VCPIP1: variants seen among roughly 807,000 people sequenced by gnomAD.
VCPIP1 encodes valosin containing protein interacting protein 1.
A neutral mutation model predicts 85.0 loss-of-function variants in VCPIP1; 8 were observed. The ratio of observed to expected loss-of-function variants is 0.09; its 90% CI spans 0.06 to 0.17. The LOEUF (loss-of-function observed/expected upper bound fraction) is 0.17, where lower values mean the gene tolerates loss of function less well. Ranked by LOEUF, VCPIP1 falls within the 10% of genes least tolerant of loss-of-function variation. VCPIP1 has a pLI of 1.00. For synonymous variants in VCPIP1, 543 were observed against 544.5 expected, an observed-to-expected ratio of 1.00 and a Z score of 0.04; for missense variants, 1,070 against 1,486.3, an observed-to-expected ratio of 0.72 and a Z score of 4.61.
At chr8:66,638,970 C>CTCTCTCTCTATA in intron 2 of VCPIP1, among the ~76,000 whole-genome samples, 5 of 118,432 alleles carry the variant, frequency 4.2e-5, no homozygotes, top group African/African-American at 1.9e-4. Flanking sequence ...CTCTCTCTCT[C>CTCTCTCTCTATA]TATATATATA....
intron 2 of VCPIP1, among the ~76,000 whole-genome samples, chr8:66,638,806 T>C (rs1420714492): frequency 3.9e-5 from 6 of 151,928 alleles, no homozygotes; most frequent in East Asian, 1.9e-4. Context: ...AAAGAAATCA[T>C]AGAAGAAGGT....
chr8:66,654,795 C>G (rs1811084033), intron 1 of VCPIP1, among the ~76,000 whole-genome samples: 1 of 152,144 alleles, frequency 6.6e-6, no homozygotes, highest in Non-Finnish European at 1.5e-5. Flanking sequence ...TCCCTTGAGT[C>G]TTATCCCCCA....
chr8:66,665,109 G>C lies in VCPIP1; in HGVS notation c.1850C>G (p.Ser617Cys), dbSNP rs917710164. The change falls in exon 1 of 3, where the codon TCT (serine) becomes TGT (cysteine). Residue 617 changes from serine (S) to cysteine (C), a missense_variant. By Grantham distance (112) the Ser-to-Cys change is moderately radical. This residue lies in a region of VCPIP1 where 123 missense variants were observed against 156.3 expected (regional missense o/e 0.79). Coordinates refer to ENST00000310421, the MANE Select transcript of VCPIP1 (RefSeq NM_025054.5). The surrounding 1 kb of genome is among the most constrained non-coding windows in gnomAD (Gnocchi z 4.3). ...VYWFQYESDS[S>C]LNSNVYDVAM... ...AACATCGTAAACATTACTATTCAAA[G>C]ATGAATCACTTTCATACTGGAACCA... is the stretch of plus-strand genomic sequence containing the variant. The C allele has an allele frequency of 1.9e-6, 3 of 1,613,362 alleles. No homozygotes were observed. In the African/African-American group the frequency reaches 4.0e-5, roughly 22 times the overall value.
At chr8:66,642,136 G>A (rs967730645) in intron 2 of VCPIP1, among the ~76,000 whole-genome samples, 1 of 152,148 alleles carries the variant, frequency 6.6e-6, no homozygotes, top group African/African-American at 2.4e-5. Flanking sequence ...AGGCTAGTGA[G>A]TATGAAGTAT....
chr8:66,663,298 G>A (rs556681752), intron 1 of VCPIP1, among the ~76,000 whole-genome samples: 1 of 151,906 alleles, frequency 6.6e-6, no homozygotes, highest in East Asian at 1.9e-4. Context: ...ATAGATTAAG[G>A]CCCAAATCAC....
chr8:66,661,177 A>G (rs546542062), intron 1 of VCPIP1, among the ~76,000 whole-genome samples: 1 of 152,346 alleles, frequency 6.6e-6, no homozygotes. Context: ...ATCTCAAGTG[A>G]TATCATTACA....
chr8:66,638,952 CTCTCTCTCTCTCTCTCTCTATA>C (rs1810917773), intron 2 of VCPIP1, among the ~76,000 whole-genome samples: 1 of 137,786 alleles, frequency 7.3e-6, no homozygotes, highest in African/African-American at 3.1e-5. Flanking sequence ...CTCTCTCTCT[CTCTCTCTCTCTCTCTCTCTATA>C]TATATATATA....
rs143912994 is a variant in VCPIP1, at chr8:66,666,164, C to T, written c.795G>A (p.Glu265=). 3.1e-5 allele frequency: 50 copies of T among 1,614,190 alleles called. No individual in the cohort carries two copies. The South Asian group carries it at 3.5e-4, about 11-fold the overall frequency. Residue 265 remains glutamate (E), a synonymous_variant, in exon 1 of 3, where the codon GAG becomes GAA. Coordinates refer to ENST00000310421, the MANE Select transcript of VCPIP1 (RefSeq NM_025054.5). The surrounding 1 kb of genome is among the most constrained non-coding windows in gnomAD (Gnocchi z 6.3). Reference sequence around the variant, plus strand: ...CACACTCATTGATAATGTCCTCCCACTCAGCAGCATCAATGAAGTCATGGA... The same window carrying T: ...CACACTCATTGATAATGTCCTCCCATTCAGCAGCATCAATGAAGTCATGGA... The part of the protein sequence containing the change: ...ALFHDFIDAA[E]WEDIINECDP...
chr8:66,639,561 A>G (rs1810927694), intron 2 of VCPIP1, among the ~76,000 whole-genome samples: 2 of 151,712 alleles, frequency 1.3e-5, no homozygotes, highest in Non-Finnish European at 2.9e-5. Flanking sequence ...CACCATGTTA[A>G]ATGATCTGCC....
Position 66,631,235 on chromosome 8 carries a change from T to C in VCPIP1, c.*3266A>G, listed in dbSNP as rs916621241. ...GTTGAAAAATGAAGACAAAACTGTA[T>C]TGATATTCTGAAATAAACACTTTAT... On this transcript the variant is annotated 3_prime_UTR_variant, in exon 3 of 3. Transcript: ENST00000310421. 5.3e-5 allele frequency: 8 copies of C among 152,152 alleles called. No homozygotes were observed. The highest frequency in any genetic ancestry group is 8.8e-5 in the Non-Finnish European group (6 of 67,978). The allele number at this position is 152,152 out of a possible 1,614,324, so 9.4% of individuals were successfully genotyped here. A position where few individuals can be genotyped will look rare whatever the true frequency, so the allele number is the denominator to read the frequency against.
In VCPIP1 at chr8:66,667,000, C is replaced by G; in HGVS notation, c.-42G>C. The G allele has an allele frequency of 1.4e-6, 2 of 1,475,520 alleles. No homozygotes were observed. Among genetic ancestry groups the G allele is most frequent in the Non-Finnish European group, 1.8e-6 (2 of 1,120,090 alleles). 91.4% of individuals were successfully genotyped at this position (1,475,520 alleles called of 1,614,324 possible). A position where few individuals can be genotyped will look rare whatever the true frequency, so the allele number is the denominator to read the frequency against. On this transcript the variant is annotated 5_prime_UTR_variant, in exon 1 of 3. Coordinates refer to ENST00000310421, the MANE Select transcript of VCPIP1 (RefSeq NM_025054.5). This position sits in a 1 kb window ranked among gnomAD's most constrained non-coding sequence, Gnocchi z 6.3. ...GTCTCGCTCCGCGTCCCAGGCGACC[C>G]TCAAAAGCTCATAGCCCAGACCCCC...
intron 1 of VCPIP1, among the ~76,000 whole-genome samples, chr8:66,659,918 AG>A (rs755065254): frequency 4.7e-4 from 71 of 152,194 alleles, no homozygotes; most frequent in Non-Finnish European, 7.8e-4. Flanking sequence ...ATCTGTCTCC[AG>A]AAAAAAAAAA....
chr8:66,649,557 G>A (rs1385120406), intron 2 of VCPIP1, among the ~76,000 whole-genome samples: 1 of 152,168 alleles, frequency 6.6e-6, no homozygotes, highest in Admixed American at 6.6e-5. Context: ...ACAGGCCACA[G>A]TTTGCCAATT....
Position 66,631,607 on chromosome 8 carries a change from T to A in VCPIP1, c.*2894A>T, listed in dbSNP as rs910449101. 1.3e-5 allele frequency: 2 copies of A among 154,482 alleles called. No individual in the cohort carries two copies. Among genetic ancestry groups the A allele is most frequent in the Non-Finnish European group, 2.9e-5 (2 of 67,968 alleles). The allele number at this position is 154,482 out of a possible 1,614,324, so 9.6% of individuals were successfully genotyped here. A position where few individuals can be genotyped will look rare whatever the true frequency, so the allele number is the denominator to read the frequency against. On this transcript the variant is annotated 3_prime_UTR_variant, in exon 3 of 3. Coordinates refer to ENST00000310421, the MANE Select transcript of VCPIP1 (RefSeq NM_025054.5). ...CAGGAATTACAGATGCATTTCAGAT[T>A]GATATCTTAATTGCAAGCAGTAGGC...
At position 66,633,974 on chromosome 8, in the gene VCPIP1, ATG is replaced by A. The variant is rs1408553155; in HGVS notation, c.*525_*526del. 6.6e-6 allele frequency: 1 copy of A among 152,292 alleles called. No individual in the cohort carries two copies. The highest frequency in any genetic ancestry group is 2.4e-5 in the African/African-American group (1 of 41,478). 9.4% of individuals were successfully genotyped at this position (152,292 alleles called of 1,614,324 possible). On this transcript the variant is annotated 3_prime_UTR_variant, in exon 3 of 3. Transcript: ENST00000310421. The stretch of plus-strand genomic sequence containing the variant: ...TATTTTCGCCAAGAAATCTCTATGA[ATG>A]TGTTTACGTTCATAGAAACATTTGC...
intron 2 of VCPIP1, among the ~76,000 whole-genome samples, chr8:66,648,384 A>C (rs1424036242): frequency 6.6e-6 from 1 of 152,126 alleles, no homozygotes; most frequent in Non-Finnish European, 1.5e-5. Context: ...TGCTCCAATA[A>C]AACTGTCTGT....
chr8:66,661,765 AT>A (rs113453783), intron 1 of VCPIP1, among the ~76,000 whole-genome samples: 430 of 135,784 alleles, frequency 3.2e-3, no homozygotes, highest in Admixed American at 3.6e-3. Context: ...TACCGATCAG[AT>A]TTTTTTTTTT....
rs1035517872 is a variant in VCPIP1 at position 66,630,065 on chromosome 8, G to A, written c.*4436C>T. ...CATAAAATTACCTTTAAAAGCTAAT[G>A]TGGAGAATTTCAGGGGAAAATCAGT... On this transcript the variant is annotated 3_prime_UTR_variant, in exon 3 of 3. Coordinates refer to ENST00000310421, the MANE Select transcript of VCPIP1 (RefSeq NM_025054.5). The A allele has an allele frequency of 2.6e-5, 4 of 152,126 alleles. No individual in the cohort carries two copies. The highest frequency in any genetic ancestry group is 4.8e-5 in the African/African-American group (2 of 41,418). 9.4% of individuals were successfully genotyped at this position (152,126 alleles called of 1,614,324 possible). A position where few individuals can be genotyped will look rare whatever the true frequency, so the allele number is the denominator to read the frequency against.
rs574976793 is a variant in VCPIP1 at position 66,664,162 on chromosome 8, A to G, written c.2710+87T>C. On this transcript the variant is annotated intron_variant, in intron 1 of 2. Coordinates refer to ENST00000310421, the MANE Select transcript of VCPIP1 (RefSeq NM_025054.5). Reference sequence around the variant, plus strand: ...ATAATTAAAAACTTACAATGGCTACAGATTTCTTTTCCCCCAAAGATAACA... The same window carrying G: ...ATAATTAAAAACTTACAATGGCTACGGATTTCTTTTCCCCCAAAGATAACA... The G allele has an allele frequency of 1.2e-4, 174 of 1,397,770 alleles. 1 individual carries two copies. In the South Asian group the frequency reaches 3.0e-3, roughly 24 times the overall value. 86.6% of individuals were successfully genotyped at this position (1,397,770 alleles called of 1,614,324 possible). A position where few individuals can be genotyped will look rare whatever the true frequency, so the allele number is the denominator to read the frequency against.
Sources: allele counts gnomAD v4.1 joint callset (sites outside exome capture counted in the v4.1 genomes callset), GRCh38; gene constraint gnomAD v4.1.1; regional missense constraint gnomAD v4.1.1; non-coding constraint Gnocchi (gnomAD v3.1); transcripts MANE v1.5; gene names NCBI Gene and HGNC (gene_info 2026-07-23, HGNC 2026-07-21).